Variants in WAC observed in about 807,000 individuals in gnomAD.
WAC encodes WW domain containing adaptor with coiled-coil.
WAC carries 11 observed loss-of-function variants against 79.6 expected under a neutral mutation model. The observed-to-expected ratio is 0.14, with a 90% CI of 0.09 to 0.23. The LOEUF is 0.23. Ranked by LOEUF, WAC falls within the 10% of genes least tolerant of loss-of-function variation. The pLI, the probability that WAC is intolerant of heterozygous loss-of-function variation, is 1.00. For missense variants in WAC, 728 were observed against 773.5 expected, an observed-to-expected ratio of 0.94 and a Z score of 0.70; for synonymous variants, 304 against 276.9, an observed-to-expected ratio of 1.10 and a Z score of -0.97.
chr10:28,539,102 A>G (rs533487763), intron 3 of WAC, among the ~76,000 whole-genome samples: 7 of 152,228 alleles, frequency 4.6e-5, no homozygotes, highest in African/African-American at 1.7e-4. Flanking sequence ...TGTAACTTGC[A>G]TTTTACAAAG....
rs377435735 is a variant in WAC, at chr10:28,596,192, T to C, written c.919+151T>C. The C allele has an allele frequency of 1.9e-5, 15 of 769,288 alleles. No individual in the cohort carries two copies. The East Asian group carries it at 3.2e-4, about 16-fold the overall frequency. The allele number at this position is 769,288 out of a possible 1,614,324, so 47.7% of individuals were successfully genotyped here. A position where few individuals can be genotyped will look rare whatever the true frequency, so the allele number is the denominator to read the frequency against. On this transcript the variant is annotated intron_variant, in intron 7 of 13. Coordinates refer to ENST00000354911, the MANE Select transcript of WAC (RefSeq NM_016628.5). ...TTTCTGTGTAGAGTTAGGTGTAGAGTTAGCAATATTTAGCTTTTTTCTTTA... is the reference window on the plus strand; with the variant it reads ...TTTCTGTGTAGAGTTAGGTGTAGAGCTAGCAATATTTAGCTTTTTTCTTTA...
chr10:28,568,502 TC>T (rs1245833420), intron 3 of WAC, among the ~76,000 whole-genome samples: 1 of 152,030 alleles, frequency 6.6e-6, no homozygotes, highest in Admixed American at 6.6e-5. Context: ...TGTCTCAGCC[TC>T]CTGAGTAGCT....
At chr10:28,535,478 T>A in intron 2 of WAC, 84 bp from the exon 3 acceptor site, 1 of 1,418,760 alleles carries the variant, frequency 7.0e-7, no homozygotes, top group East Asian at 2.4e-5. Context: ...AATTTAATGA[T>A]AATACACCAA....
At chr10:28,593,935 G>A (rs991494040) in intron 6 of WAC, among the ~76,000 whole-genome samples, 1 of 152,114 alleles carries the variant, frequency 6.6e-6, no homozygotes, top group African/African-American at 2.4e-5. Context: ...CACTTTGGGT[G>A]AAGTAATTGT....
At chr10:28,563,062 C>T (rs1279469363) in intron 3 of WAC, among the ~76,000 whole-genome samples, 1 of 152,104 alleles carries the variant, frequency 6.6e-6, no homozygotes, top group African/African-American at 2.4e-5. Flanking sequence ...TTCAGCATGA[C>T]TCTTTTATTC....
intron 7 of WAC, among the ~76,000 whole-genome samples, chr10:28,597,757 G>A (rs534591796): frequency 9.1e-4 from 139 of 152,100 alleles, no homozygotes; most frequent in South Asian, 3.7e-3. Flanking sequence ...TCTTAGATTC[G>A]CAGTAATTGA....
intron 4 of WAC, among the ~76,000 whole-genome samples, chr10:28,585,033 A>T (rs955012163): frequency 1.3e-5 from 2 of 152,162 alleles, no homozygotes; most frequent in Admixed American, 6.6e-5. Context: ...ACCCCATTGC[A>T]TTCCAGCCTG....
chr10:28,534,259 A>G (rs370664221), intron 2 of WAC: 4 of 442,566 alleles, frequency 9.0e-6, no homozygotes, highest in East Asian at 3.6e-5. Context: ...TCGCTGATTT[A>G]GGAAAAAAGA....
chr10:28,618,673 T>C (rs568434023), intron 13 of WAC, among the ~76,000 whole-genome samples: 1 of 152,356 alleles, frequency 6.6e-6, no homozygotes, highest in Non-Finnish European at 1.5e-5. Context: ...ATAAATATTA[T>C]AGTTCCCAGA....
At chr10:28,535,817 G>C (rs1241027798) in intron 3 of WAC, 60 bp downstream of exon 3, 1 of 1,377,138 alleles carries the variant, frequency 7.3e-7, no homozygotes, top group Non-Finnish European at 9.9e-7. Flanking sequence ...CTATATAAAA[G>C]GCGGCAGTAG....
chr10:28,566,872 A>T (rs74814096), intron 3 of WAC, among the ~76,000 whole-genome samples: 1 of 150,632 alleles, frequency 6.6e-6, no homozygotes, highest in Non-Finnish European at 1.5e-5. Context: ...GTATGTGGTG[A>T]GTCCTTTTCA....
chr10:28,542,171 C>G (rs1837089987), intron 3 of WAC, among the ~76,000 whole-genome samples: 1 of 152,322 alleles, frequency 6.6e-6, no homozygotes, highest in East Asian at 1.9e-4. Context: ...ACTGTGCTCA[C>G]TCACTTCAGT....
At chr10:28,601,818 A>G (rs548743775) in intron 7 of WAC, among the ~76,000 whole-genome samples, 4 of 152,324 alleles carry the variant, frequency 2.6e-5, no homozygotes, top group East Asian at 3.9e-4. Context: ...ATGATTCCAC[A>G]TATACTAGGG....
intron 6 of WAC, chr10:28,591,145 A>G (rs1406528364): frequency 3.6e-6 from 1 of 275,964 alleles, no homozygotes; most frequent in African/African-American, 2.3e-5. Flanking sequence ...CTCCCACCCT[A>G]CCTGCCTGCC....
At chr10:28,595,709 G>GT in intron 6 of WAC, 24 bp from the exon 7 acceptor site, 1 of 1,600,672 alleles carries the variant, frequency 6.2e-7, no homozygotes, top group Non-Finnish European at 8.5e-7. Context: ...TCCAACATCT[G>GT]TTTTTTCGAA....
At chr10:28,563,193 C>T (rs1030925975) in intron 3 of WAC, among the ~76,000 whole-genome samples, 2 of 152,122 alleles carry the variant, frequency 1.3e-5, no homozygotes, top group Non-Finnish European at 2.9e-5. Flanking sequence ...GTGTGAGTCA[C>T]CGCATGTGGC....
intron 3 of WAC, among the ~76,000 whole-genome samples, chr10:28,537,045 A>G (rs1195065711): frequency 6.6e-6 from 1 of 152,246 alleles, no homozygotes. Flanking sequence ...TATACTGAGA[A>G]ACATTGGCTT....
chr10:28,558,157 C>A (rs1838101542), intron 3 of WAC, among the ~76,000 whole-genome samples: 2 of 152,122 alleles, frequency 1.3e-5, no homozygotes, highest in Non-Finnish European at 2.9e-5. Context: ...TATCTCTTTC[C>A]TTATAAAATA....
At chr10:28,600,813 A>C (rs1000494731) in intron 7 of WAC, among the ~76,000 whole-genome samples, 3 of 152,164 alleles carry the variant, frequency 2.0e-5, no homozygotes, top group African/African-American at 7.2e-5. Context: ...TGCGACATGT[A>C]ACAGGATACA....
Sources: allele counts gnomAD v4.1 joint callset (sites outside exome capture counted in the v4.1 genomes callset), GRCh38; gene constraint gnomAD v4.1.1; transcripts MANE v1.5; gene names NCBI Gene and HGNC (gene_info 2026-07-23, HGNC 2026-07-21).